MACROD2: variants seen among roughly 807,000 people sequenced by gnomAD.
MACROD2 encodes ADP-ribose glycohydrolase MACROD2.
Under a neutral mutation model 70.4 loss-of-function variants are expected in MACROD2, and 36 were observed. The observed-to-expected ratio is 0.51, with a 90% CI of 0.39 to 0.68. MACROD2 has a LOEUF of 0.68. MACROD2 is among the 30% of genes least tolerant of loss of function. The probability of loss-of-function intolerance (pLI) is 0.00; values close to 1 mark genes in which losing one functional copy is unlikely to be tolerated. For synonymous variants in MACROD2, 172 were observed against 178.8 expected (o/e 0.96, Z 0.30); for missense variants, 496 against 538.4 (o/e 0.92, Z 0.78).
At chr20:14,889,339 T>C (rs1396339394) in intron 5 of MACROD2, among the ~76,000 whole-genome samples, 2 of 152,046 alleles carry the variant, frequency 1.3e-5, no homozygotes, top group Non-Finnish European at 2.9e-5. Flanking sequence ...AGGTGATGCA[T>C]GCAATAAGCA....
chr20:15,336,884 G>A (rs2078054611), intron 6 of MACROD2, among the ~76,000 whole-genome samples: 1 of 151,698 alleles, frequency 6.6e-6, no homozygotes, highest in South Asian at 2.1e-4. Context: ...ATGCGGACTT[G>A]TTCTTTCCTG....
At chr20:14,606,709 TA>T (rs1214233726) in intron 4 of MACROD2, among the ~76,000 whole-genome samples, 1 of 152,132 alleles carries the variant, frequency 6.6e-6, no homozygotes, top group Non-Finnish European at 1.5e-5. Context: ...CTCCTAAGAT[TA>T]AAATTTTTTT....
intron 3 of MACROD2, among the ~76,000 whole-genome samples, chr20:14,269,741 A>G (rs1877233745): frequency 6.6e-6 from 1 of 152,058 alleles, no homozygotes; most frequent in Non-Finnish European, 1.5e-5. Context: ...CACTGAAGCC[A>G]TTCTTTAAAC....
chr20:14,999,126 A>G (rs1184071872), intron 5 of MACROD2, among the ~76,000 whole-genome samples: 2 of 152,244 alleles, frequency 1.3e-5, no homozygotes, highest in Admixed American at 6.5e-5. Context: ...CCTGTCCTAC[A>G]AGAAATGCTA....
chr20:14,400,614 G>A (rs1032824075), intron 3 of MACROD2, among the ~76,000 whole-genome samples: 46 of 152,112 alleles, frequency 3.0e-4, no homozygotes, highest in African/African-American at 8.0e-4. Flanking sequence ...ATCTACCTCC[G>A]TTCCTCCTCC....
intron 6 of MACROD2, among the ~76,000 whole-genome samples, chr20:15,235,168 T>C (rs991509844): frequency 1.3e-5 from 2 of 152,198 alleles, no homozygotes; most frequent in South Asian, 4.1e-4. Context: ...ATAGAGTAGA[T>C]GTTTTATTTT....
intron 8 of MACROD2, among the ~76,000 whole-genome samples, chr20:15,538,772 C>T (rs1473175484): frequency 6.6e-6 from 1 of 151,992 alleles, no homozygotes; most frequent in Non-Finnish European, 1.5e-5. Context: ...TGAAGAAATA[C>T]ATTCATCAAT....
At chr20:15,068,575 A>T (rs917644941) in intron 5 of MACROD2, among the ~76,000 whole-genome samples, 9 of 152,064 alleles carry the variant, frequency 5.9e-5, no homozygotes, top group Admixed American at 1.3e-4. Flanking sequence ...CTAGTTGTTT[A>T]AAAGAGCCTA....
At chr20:15,869,043 C>G (rs540251075) in intron 9 of MACROD2, among the ~76,000 whole-genome samples, 111 of 151,810 alleles carry the variant, frequency 7.3e-4, no homozygotes, top group African/African-American at 2.6e-3. Flanking sequence ...TCTCCTGCCT[C>G]AGTTTCCCAA....
At chr20:14,258,448 T>G (rs1045102125) in intron 3 of MACROD2, among the ~76,000 whole-genome samples, 1 of 152,230 alleles carries the variant, frequency 6.6e-6, no homozygotes, top group Non-Finnish European at 1.5e-5. Context: ...GGTTTTAATT[T>G]GCATTTCTCT....
intron 10 of MACROD2, among the ~76,000 whole-genome samples, chr20:15,924,264 A>G (rs536907485): frequency 2.2e-4 from 34 of 152,354 alleles, no homozygotes; most frequent in African/African-American, 7.9e-4. Flanking sequence ...CCACAACCTC[A>G]GATATATGTG....
At chr20:15,760,983 C>A (rs1159292889) in intron 8 of MACROD2, among the ~76,000 whole-genome samples, 2 of 152,178 alleles carry the variant, frequency 1.3e-5, no homozygotes, top group Non-Finnish European at 2.9e-5. Context: ...TTGAAACTAT[C>A]AAGAGTCCAT....
chr20:14,730,055 G>A (rs1244367710), intron 5 of MACROD2, among the ~76,000 whole-genome samples: 1 of 151,938 alleles, frequency 6.6e-6, no homozygotes, highest in Non-Finnish European at 1.5e-5. Context: ...ATTAAGACCT[G>A]GCAAACTAGA....
chr20:15,735,680 G>T (rs1194346061), intron 8 of MACROD2, among the ~76,000 whole-genome samples: 1 of 152,198 alleles, frequency 6.6e-6, no homozygotes, highest in Admixed American at 6.5e-5. Flanking sequence ...ACTTGGCAAA[G>T]AATTGCAGTG....
At chr20:14,484,736 C>T (rs1426885920) in intron 3 of MACROD2, among the ~76,000 whole-genome samples, 1 of 152,164 alleles carries the variant, frequency 6.6e-6, no homozygotes, top group African/African-American at 2.4e-5. Flanking sequence ...ATAATGATCT[C>T]CAGTTCCATC....
intron 8 of MACROD2, among the ~76,000 whole-genome samples, chr20:15,770,084 A>ATTTTTTTTTTTTTTT (rs1234797549): frequency 1.6e-5 from 2 of 125,704 alleles, no homozygotes; most frequent in African/African-American, 6.5e-5. Context: ...ATTTATTTTA[A>ATTTTTTTTTTTTTTT]TTTTCTTTTT....
intron 8 of MACROD2, among the ~76,000 whole-genome samples, chr20:15,574,780 T>C (rs1325189245): frequency 6.6e-6 from 1 of 152,184 alleles, no homozygotes; most frequent in African/African-American, 2.4e-5. Flanking sequence ...GAAGATGAAA[T>C]GAATTTCATA....
At position 14,482,820 on chromosome 20, in the gene MACROD2, T is replaced by C. The variant is rs148457268; in HGVS notation, c.272-10659T>C. ...CACTTCATTCCTTACTCTGACTTTT[T>C]TGTGGGTTGGAGGGTATGGAACTTG... On this transcript the variant is annotated intron_variant, in intron 3 of 17. Coordinates refer to ENST00000684519, the MANE Select transcript of MACROD2 (RefSeq NM_001351661.2). 1.4e-4 allele frequency among the ~76,000 whole-genome samples: 22 copies of C among 152,336 alleles called. No individual in the cohort carries two copies. The East Asian group carries it at 3.7e-3, about 25-fold the overall frequency.
In MACROD2 at chr20:14,995,398, A is replaced by G. The variant is rs540972856; in HGVS notation, c.419-234542A>G. On this transcript the variant is annotated intron_variant, in intron 5 of 17. Transcript: ENST00000684519. ...GTAAGTCTAAATAGCCATATGGGTCAGGTGCGGTGGCTCACACCTGTAATC... is the reference window on the plus strand; with the variant it reads ...GTAAGTCTAAATAGCCATATGGGTCGGGTGCGGTGGCTCACACCTGTAATC... Among the ~76,000 whole-genome samples the G allele has an allele frequency of 1.3e-3, 197 of 152,164 alleles. 2 individuals carry two copies. The highest frequency in any genetic ancestry group is 2.4e-3 in the Non-Finnish European group (160 of 67,994).
Sources: allele counts gnomAD v4.1 joint callset (sites outside exome capture counted in the v4.1 genomes callset), GRCh38; gene constraint gnomAD v4.1.1; transcripts MANE v1.5; gene names NCBI Gene and HGNC (gene_info 2026-07-23, HGNC 2026-07-21).